TTC28: variants seen among roughly 807,000 people sequenced by gnomAD.
TTC28 encodes tetratricopeptide repeat protein 28.
TTC28 carries 61 observed loss-of-function variants against 198.0 expected under a neutral mutation model. The ratio of observed to expected loss-of-function variants is 0.31; its 90% CI spans 0.25 to 0.38. The LOEUF is 0.38. Ranked by LOEUF, TTC28 falls within the 10% of genes least tolerant of loss-of-function variation. The probability of loss-of-function intolerance (pLI) is 1.00; values close to 1 mark genes in which losing one functional copy is unlikely to be tolerated. For synonymous variants in TTC28, 1,171 were observed against 1,297.8 expected (o/e 0.90, Z 2.10); for missense variants, 2,678 against 3,164.0 (o/e 0.85, Z 3.69).
intron 2 of TTC28, among the ~76,000 whole-genome samples, chr22:28,524,387 G>A (rs1191485977): frequency 2.0e-5 from 3 of 151,198 alleles, no homozygotes; most frequent in African/African-American, 7.3e-5. Context: ...GTGAACCCAG[G>A]AGGCGGAGCT....
chr22:28,188,095 C>T (rs964985204), intron 5 of TTC28, among the ~76,000 whole-genome samples: 4 of 152,020 alleles, frequency 2.6e-5, no homozygotes, highest in Non-Finnish European at 2.9e-5. Context: ...ACAGTTTAGG[C>T]GGAGGCAGAC....
intron 8 of TTC28, 42 bp from the exon 9 acceptor site, chr22:28,101,322 A>T: frequency 6.8e-7 from 1 of 1,465,266 alleles, no homozygotes; most frequent in Admixed American, 2.0e-5. Flanking sequence ...TAGAAGATGG[A>T]TAATTCCACT....
chr22:28,596,438 C>T (rs1448025083), intron 2 of TTC28, among the ~76,000 whole-genome samples: 2 of 152,076 alleles, frequency 1.3e-5, no homozygotes, highest in Non-Finnish European at 2.9e-5. Context: ...ATTTAAGGCT[C>T]CATAATACTT....
chr22:28,325,706 A>T (rs1201860543), intron 2 of TTC28, among the ~76,000 whole-genome samples: 1 of 152,190 alleles, frequency 6.6e-6, no homozygotes. Flanking sequence ...TTCAACAGAG[A>T]GGATATTCAG....
At chr22:28,135,004 A>G (rs1943165696) in intron 6 of TTC28, among the ~76,000 whole-genome samples, 1 of 152,188 alleles carries the variant, frequency 6.6e-6, no homozygotes, top group Non-Finnish European at 1.5e-5. Context: ...GTCAGTATCC[A>G]TTGGCTGTCT....
chr22:28,630,293 C>T (rs1402407145), intron 1 of TTC28, among the ~76,000 whole-genome samples: 1 of 152,012 alleles, frequency 6.6e-6, no homozygotes, highest in Non-Finnish European at 1.5e-5. Context: ...ATTTTTTACT[C>T]TTATTTTTTT....
chr22:28,356,804 C>T (rs1001236048), intron 2 of TTC28, among the ~76,000 whole-genome samples: 1 of 152,124 alleles, frequency 6.6e-6, no homozygotes, highest in African/African-American at 2.4e-5. Context: ...AGCGGGTTCA[C>T]GTCCCAGCAC....
intron 2 of TTC28, among the ~76,000 whole-genome samples, chr22:28,621,759 AAAAG>A (rs914417906): frequency 2.9e-4 from 42 of 144,860 alleles, no homozygotes; most frequent in South Asian, 8.4e-4. Context: ...AAAAAAAAAA[AAAAG>A]AAAGAAAGAA....
chr22:28,093,436 T>C (rs1218123204), intron 12 of TTC28, among the ~76,000 whole-genome samples: 1 of 152,240 alleles, frequency 6.6e-6, no homozygotes, highest in African/African-American at 2.4e-5. Context: ...GCCTGGGAAA[T>C]CTGGTTACAA....
At chr22:28,643,423 T>C (rs1277260088) in intron 1 of TTC28, among the ~76,000 whole-genome samples, 1 of 152,194 alleles carries the variant, frequency 6.6e-6, no homozygotes, top group Non-Finnish European at 1.5e-5. Flanking sequence ...ACTCTCAGAA[T>C]GGCCAAACCC....
intron 12 of TTC28, among the ~76,000 whole-genome samples, chr22:28,052,307 T>C (rs189556550): frequency 5.1e-4 from 78 of 152,318 alleles, no homozygotes; most frequent in Non-Finnish European, 8.2e-4. Flanking sequence ...CTTTATCATG[T>C]GCCAGGCATT....
intron 1 of TTC28, among the ~76,000 whole-genome samples, chr22:28,660,047 G>A (rs905955898): frequency 6.6e-6 from 1 of 151,780 alleles, no homozygotes; most frequent in African/African-American, 2.4e-5. Context: ...CTCTCATCTT[G>A]GCCTCCCAAA....
At chr22:28,045,971 A>T (rs1454340571) in intron 12 of TTC28, among the ~76,000 whole-genome samples, 1 of 152,210 alleles carries the variant, frequency 6.6e-6, no homozygotes, top group Non-Finnish European at 1.5e-5. Flanking sequence ...CTCTGTCTCA[A>T]AAACGAAAAG....
At chr22:28,609,741 T>A (rs539779656) in intron 2 of TTC28, among the ~76,000 whole-genome samples, 1 of 151,934 alleles carries the variant, frequency 6.6e-6, no homozygotes, top group Non-Finnish European at 1.5e-5. Context: ...GACAGAACCA[T>A]TCACTCCCCC....
chr22:28,014,115 G>A (rs541490995), intron 14 of TTC28, 133 bp downstream of exon 14: 100 of 1,116,200 alleles, frequency 9.0e-5, no homozygotes, highest in African/African-American at 1.1e-4. Context: ...TGGACAGAGC[G>A]GACTTGTGTT....
intron 12 of TTC28, among the ~76,000 whole-genome samples, chr22:28,082,316 C>T (rs1941396943): frequency 6.6e-6 from 1 of 152,134 alleles, no homozygotes. Context: ...AGAAGGCATC[C>T]TTGCCTTGTT....
In TTC28 at chr22:28,101,296, G is replaced by C; in HGVS notation, c.3308-16C>G. 1 of 1,530,192 alleles carries C rather than the reference G, an allele frequency of 6.5e-7. No homozygotes were observed. The highest frequency in any genetic ancestry group is 8.9e-7 in the Non-Finnish European group (1 of 1,127,642). The allele number at this position is 1,530,192 out of a possible 1,614,324, so 94.8% of individuals were successfully genotyped here. A position where few individuals can be genotyped will look rare whatever the true frequency, so the allele number is the denominator to read the frequency against. On this transcript the variant is annotated splice_polypyrimidine_tract_variant and intron_variant, in intron 8 of 22. Coordinates refer to ENST00000397906, the MANE Select transcript of TTC28 (RefSeq NM_001145418.2). ...AACCTTAAACCTGAAACCAGATAGAGAAATTTAAGGAAACATAGAAGATGG... is the reference window on the plus strand; with the variant it reads ...AACCTTAAACCTGAAACCAGATAGACAAATTTAAGGAAACATAGAAGATGG...
intron 2 of TTC28, among the ~76,000 whole-genome samples, chr22:28,596,685 T>C (rs2050548274): frequency 6.6e-6 from 1 of 152,152 alleles, no homozygotes; most frequent in Non-Finnish European, 1.5e-5. Flanking sequence ...TTGGAAGAAA[T>C]TGAAGAGCTC....
At chr22:28,265,036 A>G (rs1014759981) in intron 5 of TTC28, among the ~76,000 whole-genome samples, 2 of 152,198 alleles carry the variant, frequency 1.3e-5, no homozygotes, top group African/African-American at 4.8e-5. Flanking sequence ...AAATAAGGCA[A>G]TATGTAAATA....
Sources: allele counts gnomAD v4.1 joint callset (sites outside exome capture counted in the v4.1 genomes callset), GRCh38; gene constraint gnomAD v4.1.1; transcripts MANE v1.5; gene names NCBI Gene and HGNC (gene_info 2026-07-23, HGNC 2026-07-21).